TTK: variants seen among roughly 807,000 people sequenced by gnomAD.
TTK encodes the protein dual specificity protein kinase TTK.
Under a neutral mutation model 117.3 loss-of-function variants are expected in TTK, and 59 were observed. The ratio of observed to expected loss-of-function variants is 0.50; its 90% CI spans 0.41 to 0.62. The LOEUF (loss-of-function observed/expected upper bound fraction) is 0.62, where lower values mean the gene tolerates loss of function less well. Among genes scored for constraint, TTK ranks in the 20% least tolerant of loss-of-function variants. TTK has a pLI of 0.00. For synonymous variants in TTK, 302 were observed against 325.0 expected, an observed-to-expected ratio of 0.93 and a Z score of 0.76; for missense variants, 921 against 989.4, an observed-to-expected ratio of 0.93 and a Z score of 0.93.
chr6:80,027,801 T>C, intron 12 of TTK, 84 bp from the exon 13 acceptor site: 1 of 1,085,586 alleles, frequency 9.2e-7, no homozygotes, highest in Non-Finnish European at 1.3e-6. Context: ...TTTAAGTTTA[T>C]ATCAGTCTAA....
At chr6:80,023,535 G>A (rs239578) in intron 11 of TTK, among the ~76,000 whole-genome samples, 75,112 of 152,004 alleles carry the variant, frequency 0.49, 19,084 homozygotes, top group East Asian at 0.64. Flanking sequence ...GGAGCTTGCA[G>A]TGAGCAGATA....
rs772742615 is a variant in TTK at position 80,008,382 on chromosome 6, A to G, written c.363-4A>G. 2 of 1,602,672 alleles carry G rather than the reference A, an allele frequency of 1.2e-6. No individual in the cohort carries two copies. The highest frequency in any genetic ancestry group is 2.3e-5 in the South Asian group (2 of 87,818). On this transcript the variant is annotated splice_polypyrimidine_tract_variant and splice_region_variant and intron_variant, in intron 3 of 21. Transcript: ENST00000369798. ...TAAATTTTGACTCAAATCTTTTATT[A>G]CAGTATTCAAGAGCCAGATGATGCA... is the stretch of plus-strand genomic sequence containing the variant.
intron 16 of TTK, 40 bp from the exon 17 acceptor site, chr6:80,036,435 T>G (rs1474638225): frequency 2.9e-5 from 46 of 1,563,710 alleles, no homozygotes; most frequent in Non-Finnish European, 4.0e-5. Context: ...CTTAGAATGT[T>G]TTGCATTGTT....
chr6:80,025,044 C>T (rs563398670), intron 11 of TTK, among the ~76,000 whole-genome samples: 20 of 152,296 alleles, frequency 1.3e-4, no homozygotes, highest in Non-Finnish European at 2.6e-4. Flanking sequence ...ATTACCAGTC[C>T]TACAGCTGGC....
At chr6:80,041,939 G>A (rs919562954) in intron 21 of TTK, among the ~76,000 whole-genome samples, 180 bp from the exon 22 acceptor site, 2 of 151,560 alleles carry the variant, frequency 1.3e-5, no homozygotes, top group African/African-American at 2.4e-5. Context: ...TAATGCTTAA[G>A]GCCAAGCTTC....
intron 17 of TTK, among the ~76,000 whole-genome samples, chr6:80,037,211 G>C (rs1338098079): frequency 6.6e-6 from 1 of 152,104 alleles, no homozygotes; most frequent in Non-Finnish European, 1.5e-5. Flanking sequence ...GATTTTTGAT[G>C]TGAGTCCACC....
rs1801351 is a variant in TTK at position 80,035,334 on chromosome 6, A to G, written c.1841A>G (p.Lys614Arg). The change falls in exon 16 of 22, where the codon AAA becomes AGA. Residue 614 changes from lysine to arginine, a missense_variant. Coordinates refer to ENST00000369798, the MANE Select transcript of TTK (RefSeq NM_003318.5). ...CGNIDLNSWL[K>R]KKKSIDPWER... ...AATATTGATCTTAATAGTTGGCTTA[A>G]AAAGAAAAAATCCATTGATCCATGG... The G allele has an allele frequency of 1.5e-4, 243 of 1,612,738 alleles. No individual in the cohort carries two copies. The highest frequency in any genetic ancestry group is 1.4e-3 in the African/African-American group (103 of 74,968).
At chr6:80,020,979 A>G (rs759146507) in intron 10 of TTK, among the ~76,000 whole-genome samples, 1 of 152,246 alleles carries the variant, frequency 6.6e-6, no homozygotes. Context: ...TCCAGACAGC[A>G]CTGCAGAGTG....
chr6:80,007,854 C>T lies in TTK; in HGVS notation c.185C>T (p.Pro62Leu). The change falls in exon 3 of 22, where the codon CCA becomes CTA. Residue 62 changes from proline (P) to leucine (L), a missense_variant. Pro to Leu is a moderately conservative substitution (Grantham distance 98). Transcript: ENST00000369798. ...CAAATTATGATGATGGCAAACAACC[C>T]AGAGGACTGGTTGAGTTTGTTGCTC... is the stretch of plus-strand genomic sequence containing the variant. Reference protein sequence around the residue: ...VNQIMMMANNPEDWLSLLLKL... With the variant: ...VNQIMMMANNLEDWLSLLLKL... The T allele has an allele frequency of 6.2e-7, 1 of 1,613,168 alleles. No homozygotes were observed. The highest frequency in any genetic ancestry group is 8.5e-7 in the Non-Finnish European group (1 of 1,179,488).
rs1014909472 is a variant in TTK at position 80,014,391 on chromosome 6, T to C, written c.985-72T>C. ...AATCCATGTATAGATAAGACTTTAG[T>C]ATATTGAACAGTAAGACAGATTAGT... On this transcript the variant is annotated intron_variant, in intron 9 of 21. Transcript: ENST00000369798. 1.5e-4 allele frequency: 205 copies of C among 1,367,182 alleles called. No individual in the cohort carries two copies. In the Middle Eastern group the frequency reaches 1.9e-3, roughly 12 times the overall value. The allele number at this position is 1,367,182 out of a possible 1,614,324, so 84.7% of individuals were successfully genotyped here.
intron 5 of TTK, among the ~76,000 whole-genome samples, 167 bp downstream of exon 5, chr6:80,011,124 C>T (rs1403198643): frequency 1.3e-5 from 2 of 151,100 alleles, no homozygotes; most frequent in Non-Finnish European, 3.0e-5. Context: ...CAACCCCATG[C>T]AAATTTGTCT....
chr6:80,040,508 T>C, intron 20 of TTK, 98 bp from the exon 21 acceptor site: 1 of 1,079,160 alleles, frequency 9.3e-7, no homozygotes, highest in African/African-American at 1.6e-5. Flanking sequence ...AGTGATAAAT[T>C]ATAAGAATAT....
Position 80,007,844 on chromosome 6 carries a change from G to T in TTK, c.175G>T (p.Ala59Ser). The part of the protein sequence containing the change: ...SGTVNQIMMM[A>S]NNPEDWLSLL... ...AACTGTTAACCAAATTATGATGATG[G>T]CAAACAACCCAGAGGACTGGTTGAG... is the stretch of plus-strand genomic sequence containing the variant. Residue 59 changes from alanine to serine, a missense_variant, in exon 3 of 22, where the codon GCA becomes TCA. Physicochemically the swap from Ala to Ser is moderately conservative, Grantham distance 99. Coordinates refer to ENST00000369798, the MANE Select transcript of TTK (RefSeq NM_003318.5). 1 of 1,611,724 alleles carries T rather than the reference G, an allele frequency of 6.2e-7. No homozygotes were observed. The highest frequency in any genetic ancestry group is 8.5e-7 in the Non-Finnish European group (1 of 1,178,778).
chr6:80,028,011 G>C lies in TTK; in HGVS notation c.1521G>C (p.Gln507His). The C allele has an allele frequency of 1.9e-6, 3 of 1,596,898 alleles. No homozygotes were observed. The highest frequency in any genetic ancestry group is 2.6e-6 in the Non-Finnish European group (3 of 1,172,076). ...QILATPLQNL[Q>H]VLASSSANEC... ...TTGCCACTCCACTTCAAAATTTACA[G>C]GTTCGATAAGCTTTATATATGATGG... Residue 507 changes from glutamine to histidine, a missense_variant and splice_region_variant, in exon 13 of 22, where the codon CAG (glutamine) becomes CAC (histidine). Gln to His is a conservative substitution (Grantham distance 24). Coordinates refer to ENST00000369798, the MANE Select transcript of TTK (RefSeq NM_003318.5).
chr6:80,040,264 A>G lies in TTK; in HGVS notation c.2376A>G (p.Gln792=). ...AGCTCCTGGCTCATCCATATGTTCA[A>G]ATTCAAACTCATCCAGGTACTACTT... The part of the protein sequence containing the change: ...IPELLAHPYV[Q]IQTHPVNQMA... Residue 792 remains glutamine, a synonymous_variant, in exon 20 of 22, where the codon CAA becomes CAG. Transcript: ENST00000369798. The G allele has an allele frequency of 6.3e-7, 1 of 1,587,122 alleles. No homozygotes were observed. Among genetic ancestry groups the G allele is most frequent in the Admixed American group, 1.8e-5 (1 of 56,530 alleles).
In TTK at chr6:80,039,796, T is replaced by C. The variant is rs1210396536; in HGVS notation, c.2231T>C (p.Leu744Ser). 6.3e-7 allele frequency: 1 copy of C among 1,587,060 alleles called. No individual in the cohort carries two copies. Residue 744 changes from leucine to serine, a missense_variant, in exon 19 of 22, where the codon TTA becomes TCA. Transcript: ENST00000369798. ...CAGATAATTAATCAGATTTCTAAAT[T>C]ACATGCCATAATTGATCCTAATCAT... The part of the protein sequence containing the change: ...FQQIINQISK[L>S]HAIIDPNHEI...
At position 80,011,430 on chromosome 6, in the gene TTK, A is replaced by G. The variant is rs1165279536; in HGVS notation, c.614-4A>G. On this transcript the variant is annotated splice_polypyrimidine_tract_variant and splice_region_variant and intron_variant, in intron 5 of 21. Transcript: ENST00000369798. ...ATTTAATCATAGTTTCAAAATTTTTACAGCATCTACGGTATTAACTGCCCA... is the reference window on the plus strand; with the variant it reads ...ATTTAATCATAGTTTCAAAATTTTTGCAGCATCTACGGTATTAACTGCCCA... 5 of 1,548,612 alleles carry G rather than the reference A, an allele frequency of 3.2e-6. No individual in the cohort carries two copies.
intron 16 of TTK, among the ~76,000 whole-genome samples, chr6:80,035,897 C>A (rs890526215): frequency 2.8e-4 from 43 of 151,876 alleles, no homozygotes; most frequent in African/African-American, 9.2e-4. Context: ...CTGCCTTTAC[C>A]TTATCCTATA....
At chr6:80,013,729 A>G (rs1423234210) in intron 9 of TTK, among the ~76,000 whole-genome samples, 2 of 152,084 alleles carry the variant, frequency 1.3e-5, no homozygotes, top group East Asian at 3.9e-4. Context: ...TTGGTAAGAC[A>G]TCTTAAAAAA....
Sources: gnomAD v4.1 joint callset for allele counts (sites outside exome capture counted in the v4.1 genomes callset) on GRCh38, gnomAD v4.1.1 for gene constraint, MANE v1.5 for transcripts, NCBI Gene and HGNC (gene_info 2026-07-23, HGNC 2026-07-21) for gene names.